The following PDZD8 variants were observed in gnomAD, a reference collection of about 807,000 sequenced individuals.
PDZD8 encodes PDZ domain containing 8, also known as PDZ domain-containing protein 8.
Under a neutral mutation model 85.8 loss-of-function variants are expected in PDZD8, and 14 were observed. The observed-to-expected ratio is 0.16, with a 90% CI of 0.11 to 0.26. The LOEUF (loss-of-function observed/expected upper bound fraction) is 0.26. Ranked by LOEUF, PDZD8 falls within the 10% of genes least tolerant of loss-of-function variation. The pLI, the probability that PDZD8 is intolerant of heterozygous loss-of-function variation, is 1.00. For missense variants in PDZD8, 1,197 were observed against 1,424.3 expected (o/e 0.84, Z 2.57); for synonymous variants, 592 against 568.6 (o/e 1.04, Z -0.59).
At position 117,284,608 on chromosome 10, in the gene PDZD8, T is replaced by C. The variant is rs1378642954; in HGVS notation, c.2125A>G (p.Arg709Gly). ...SCLFDIEACH[R>G]YLNIALWCRD... is the part of the protein sequence containing the mutation. ...CACCACAATGCAATGTTTAAGTACC[T>C]GTGACAGGCTTCTATGTCAAACAAA... is the stretch of plus-strand genomic sequence containing the variant. Residue 709 changes from arginine (R) to glycine (G), a missense_variant, in exon 5 of 5, where the codon AGG becomes GGG. By Grantham distance (125) the Arg-to-Gly change is moderately radical. Transcript: ENST00000334464. The C allele has an allele frequency of 1.2e-6, 2 of 1,614,122 alleles. No individual in the cohort carries two copies. Among genetic ancestry groups the C allele is most frequent in the Non-Finnish European group, 1.7e-6 (2 of 1,180,044 alleles).
intron 3 of PDZD8, among the ~76,000 whole-genome samples, chr10:117,302,624 T>G (rs1031288590): frequency 3.3e-5 from 5 of 152,200 alleles, no homozygotes; most frequent in African/African-American, 1.2e-4. Context: ...TATGCAGTTG[T>G]GCCTTGGTAT....
In PDZD8 at chr10:117,282,773, G is replaced by A. The variant is rs1018047423; in HGVS notation, c.*495C>T. 6.6e-6 allele frequency: 1 copy of A among 152,532 alleles called. No homozygotes were observed. The highest frequency in any genetic ancestry group is 2.1e-4 in the South Asian group (1 of 4,830). The allele number at this position is 152,532 out of a possible 1,614,324, so 9.4% of individuals were successfully genotyped here. A position where few individuals can be genotyped will look rare whatever the true frequency, so the allele number is the denominator to read the frequency against. Reference sequence around the variant, plus strand: ...ATAACAAAAATCTCAAGCAAGTAGAGACGATAAACTTCATAACACAAAAGA... The same window carrying A: ...ATAACAAAAATCTCAAGCAAGTAGAAACGATAAACTTCATAACACAAAAGA... On this transcript the variant is annotated 3_prime_UTR_variant, in exon 5 of 5. Transcript: ENST00000334464.
intron 2 of PDZD8, among the ~76,000 whole-genome samples, chr10:117,324,704 G>A (rs74159180): frequency 1.0e-3 from 153 of 152,294 alleles, no homozygotes; most frequent in African/African-American, 3.6e-3. Context: ...CCAAGATCTG[G>A]CAGAATAAGA....
At chr10:117,367,491 T>C (rs1845110660) in intron 1 of PDZD8, among the ~76,000 whole-genome samples, 2 of 152,220 alleles carry the variant, frequency 1.3e-5, no homozygotes, top group Admixed American at 1.3e-4. Context: ...ATCAAATTTC[T>C]AGAGCAAAGA....
chr10:117,336,938 C>G (rs1036514272), intron 2 of PDZD8, among the ~76,000 whole-genome samples: 1 of 151,686 alleles, frequency 6.6e-6, no homozygotes, highest in African/African-American at 2.4e-5. Context: ...AGACCAAACA[C>G]CCTAGCTGGG....
In PDZD8 at chr10:117,374,796, G is replaced by T; in HGVS notation, c.432C>A (p.Ser144Arg). Residue 144 changes from serine (S) to arginine (R), a missense_variant, in exon 1 of 5, where the codon AGC (serine) becomes AGA (arginine). Physicochemically the swap from Ser to Arg is moderately radical, Grantham distance 110. This residue lies in a region of PDZD8 where 344 missense variants were observed against 453.6 expected (regional missense o/e 0.76). Transcript: ENST00000334464. The surrounding 1 kb of genome is among the most constrained non-coding windows in gnomAD (Gnocchi z 7.8). ...KTAGRLLEGLSLRDVFLGETV... is the reference protein window; with the variant it reads ...KTAGRLLEGLRLRDVFLGETV... ...TCTCGCCCAGGAACACGTCCCGCAG[G>T]CTCAGCCCCTCCAGCAGGCGCCCGG... 6.2e-7 allele frequency: 1 copy of T among 1,613,284 alleles called. No individual in the cohort carries two copies. The highest frequency in any genetic ancestry group is 1.3e-5 in the African/African-American group (1 of 75,048).
intron 4 of PDZD8, among the ~76,000 whole-genome samples, chr10:117,288,425 C>A (rs1016335155): frequency 1.3e-5 from 2 of 151,948 alleles, no homozygotes; most frequent in Admixed American, 1.3e-4. Flanking sequence ...AAGAGACATA[C>A]AAAAGCTTTT....
chr10:117,370,425 G>A (rs545387337), intron 1 of PDZD8, among the ~76,000 whole-genome samples: 145 of 152,260 alleles, frequency 9.5e-4, no homozygotes, highest in African/African-American at 3.2e-3. Context: ...GGGGAAAGAA[G>A]TAATAACAAC....
intron 1 of PDZD8, among the ~76,000 whole-genome samples, chr10:117,345,200 T>C (rs1050408303): frequency 2.6e-5 from 4 of 152,194 alleles, no homozygotes; most frequent in African/African-American, 9.7e-5. Flanking sequence ...GTGAAGAAGC[T>C]CAAACCTAAA....
chr10:117,292,118 A>G (rs1469894249), intron 3 of PDZD8, among the ~76,000 whole-genome samples: 1 of 152,216 alleles, frequency 6.6e-6, no homozygotes, highest in Non-Finnish European at 1.5e-5. Context: ...CGCTGGTAAA[A>G]GAACCCTCAC....
Position 117,305,137 on chromosome 10 carries a change from G to A in PDZD8, c.1098+13735C>T, listed in dbSNP as rs1843912648. ...ATAATAAAAAAGTATTCTTGGCTGG[G>A]CATGGTGGCTGATGCCTATAATCCC... On this transcript the variant is annotated intron_variant, in intron 3 of 4. Coordinates refer to ENST00000334464, the MANE Select transcript of PDZD8 (RefSeq NM_173791.5). 2.0e-5 allele frequency among the ~76,000 whole-genome samples: 3 copies of A among 152,264 alleles called. No individual in the cohort carries two copies. In the South Asian group the frequency reaches 6.2e-4, roughly 32 times the overall value.
At chr10:117,373,858 T>A (rs545723362) in intron 1 of PDZD8, among the ~76,000 whole-genome samples, 9 of 152,272 alleles carry the variant, frequency 5.9e-5, no homozygotes, top group African/African-American at 2.2e-4. Context: ...TGTCAAACCA[T>A]CAAAGCAAAA....
chr10:117,373,286 A>G (rs1238223370), intron 1 of PDZD8, among the ~76,000 whole-genome samples: 2 of 152,282 alleles, frequency 1.3e-5, no homozygotes, highest in South Asian at 2.1e-4. Context: ...TTAAAATACA[A>G]TTTGTACAGT....
chr10:117,335,763 C>G (rs1241618315), intron 2 of PDZD8, among the ~76,000 whole-genome samples: 2 of 152,152 alleles, frequency 1.3e-5, no homozygotes, highest in African/African-American at 4.8e-5. Context: ...CAACCTTGGG[C>G]AGGGTAAGGG....
chr10:117,370,945 TG>T (rs1845179188), intron 1 of PDZD8, among the ~76,000 whole-genome samples: 1 of 151,970 alleles, frequency 6.6e-6, no homozygotes. Context: ...TGTGTGTGTG[TG>T]TGTGTGTTTA....
chr10:117,359,360 G>A (rs1367874572), intron 1 of PDZD8, among the ~76,000 whole-genome samples: 1 of 151,678 alleles, frequency 6.6e-6, no homozygotes, highest in Non-Finnish European at 1.5e-5. Flanking sequence ...AGGTTACACT[G>A]AGCCATGAGT....
At chr10:117,287,759 T>C (rs1844691568) in intron 4 of PDZD8, among the ~76,000 whole-genome samples, 1 of 152,198 alleles carries the variant, frequency 6.6e-6, no homozygotes, top group African/African-American at 2.4e-5. Flanking sequence ...ACACCAAACA[T>C]ATTGCTACGA....
intron 3 of PDZD8, among the ~76,000 whole-genome samples, chr10:117,311,425 A>G (rs1320896647): frequency 6.6e-6 from 1 of 152,210 alleles, no homozygotes; most frequent in African/African-American, 2.4e-5. Context: ...ATGAAGGCTC[A>G]TGGTCAGACA....
At chr10:117,294,628 A>G in intron 3 of PDZD8, among the ~76,000 whole-genome samples, 1 of 152,230 alleles carries the variant, frequency 6.6e-6, no homozygotes, top group East Asian at 1.9e-4. Context: ...GGATAAATGG[A>G]TAAAAAATGT....
Sources: gnomAD v4.1 joint callset for allele counts (sites outside exome capture counted in the v4.1 genomes callset) on GRCh38, gnomAD v4.1.1 for gene constraint, gnomAD v4.1.1 regional missense constraint, Gnocchi (gnomAD v3.1) non-coding constraint, MANE v1.5 for transcripts, NCBI Gene and HGNC (gene_info 2026-07-23, HGNC 2026-07-21) for gene names.